GRB10: variants seen among roughly 807,000 people sequenced by gnomAD.
The protein encoded by GRB10 is growth factor receptor-bound protein 10.
GRB10 carries 20 observed loss-of-function variants against 80.9 expected under a neutral mutation model. The ratio of observed to expected loss-of-function variants is 0.25; its 90% CI spans 0.17 to 0.36. The LOEUF is 0.36. Ranked by LOEUF, GRB10 falls within the 10% of genes least tolerant of loss-of-function variation. The pLI is 1.00. For missense variants in GRB10, 548 were observed against 747.7 expected, an observed-to-expected ratio of 0.73 and a Z score of 3.12; for synonymous variants, 291 against 291.5, an observed-to-expected ratio of 1.00 and a Z score of 0.02.
chr7:50,647,119 C>T (rs1586285231), intron 7 of GRB10, among the ~76,000 whole-genome samples: 1 of 152,200 alleles, frequency 6.6e-6, no homozygotes, highest in Non-Finnish European at 1.5e-5. Context: ...GAAATCACAA[C>T]AGTCTCAGCA....
intron 7 of GRB10, among the ~76,000 whole-genome samples, chr7:50,643,907 C>A (rs944642678): frequency 5.3e-5 from 8 of 152,174 alleles, no homozygotes; most frequent in Non-Finnish European, 1.5e-5. Flanking sequence ...TGCAACTTCT[C>A]TATACATTTG....
In GRB10 at chr7:50,614,762, G is replaced by C. The variant is rs763815846; in HGVS notation, c.1095+8C>G. 1 of 1,588,918 alleles carries C rather than the reference G, an allele frequency of 6.3e-7. No individual in the cohort carries two copies. The highest frequency in any genetic ancestry group is 8.6e-7 in the Non-Finnish European group (1 of 1,157,216). On this transcript the variant is annotated splice_region_variant and intron_variant, in intron 12 of 18. Coordinates refer to ENST00000401949, the MANE Select transcript of GRB10 (RefSeq NM_001350814.2). ...CATGCGCGCCGTCTGTGGACAGCTCGTGGGTACCTTTATGCAGAGCCCGTG... is the reference window on the plus strand; with the variant it reads ...CATGCGCGCCGTCTGTGGACAGCTCCTGGGTACCTTTATGCAGAGCCCGTG...
At chr7:50,630,540 G>A (rs2053805591) in intron 7 of GRB10, among the ~76,000 whole-genome samples, 1 of 152,134 alleles carries the variant, frequency 6.6e-6, no homozygotes, top group South Asian at 2.1e-4. Context: ...ACCACCGAAG[G>A]GTGCAGGGGC....
intron 5 of GRB10, among the ~76,000 whole-genome samples, chr7:50,690,320 C>CAAAAAA (rs5884162): frequency 1.3e-5 from 2 of 148,690 alleles, no homozygotes; most frequent in Non-Finnish European, 3.0e-5. Context: ...AACAAACAAA[C>CAAAAAA]AAAAAAAACA....
At chr7:50,603,174 A>G (rs1333623108) in intron 17 of GRB10, among the ~76,000 whole-genome samples, 1 of 152,176 alleles carries the variant, frequency 6.6e-6, no homozygotes, top group Non-Finnish European at 1.5e-5. Context: ...GGATGTAACT[A>G]CTTCCTCAGG....
chr7:50,785,062 C>T (rs907024631), upstream of GRB10, among the ~76,000 whole-genome samples: 1 of 152,192 alleles, frequency 6.6e-6, no homozygotes, highest in African/African-American at 2.4e-5. Context: ...TTTGGTGGAT[C>T]ACATGCTAGC....
chr7:50,616,479 C>T lies in GRB10; in HGVS notation c.847-132G>A. The T allele has an allele frequency of 3.6e-6, 3 of 836,014 alleles. No homozygotes were observed. The South Asian group carries it at 4.8e-5, about 13-fold the overall frequency. The allele number at this position is 836,014 out of a possible 1,614,324, so 51.8% of individuals were successfully genotyped here. A position where few individuals can be genotyped will look rare whatever the true frequency, so the allele number is the denominator to read the frequency against. On this transcript the variant is annotated intron_variant, in intron 10 of 18. Transcript: ENST00000401949. The stretch of plus-strand genomic sequence containing the variant: ...TTTGGATCAAAATGAGAGTGTTCTC[C>T]TTTCCAAAGTCTTAAAATCCCATCT...
intron 4 of GRB10, chr7:50,726,871 C>T (rs2068737722): frequency 6.6e-6 from 1 of 152,124 alleles, no homozygotes; most frequent in Non-Finnish European, 1.5e-5. Flanking sequence ...CTCAGTCTCA[C>T]CAACATTAAA....
chr7:50,716,692 G>A (rs780725398), intron 4 of GRB10, among the ~76,000 whole-genome samples: 1 of 152,142 alleles, frequency 6.6e-6, no homozygotes, highest in Non-Finnish European at 1.5e-5. Flanking sequence ...AAATATGTGG[G>A]CAGGATTAAC....
At chr7:50,742,490 TG>T (rs1243211288) in intron 3 of GRB10, among the ~76,000 whole-genome samples, 1 of 152,206 alleles carries the variant, frequency 6.6e-6, no homozygotes, top group Non-Finnish European at 1.5e-5. Context: ...ACATACAGCA[TG>T]GGCATCACCC....
At chr7:50,682,570 T>G (rs1305235284) in intron 5 of GRB10, among the ~76,000 whole-genome samples, 1 of 152,250 alleles carries the variant, frequency 6.6e-6, no homozygotes, top group Non-Finnish European at 1.5e-5. Context: ...AGGCCTTTAG[T>G]ATTTCCAGTT....
intron 7 of GRB10, among the ~76,000 whole-genome samples, chr7:50,654,238 G>A (rs558131307): frequency 6.6e-6 from 1 of 152,318 alleles, no homozygotes; most frequent in Admixed American, 6.5e-5. Flanking sequence ...AGGGCACCAC[G>A]GGGTCCCAGG....
chr7:50,697,363 A>T (rs969871203), intron 5 of GRB10, among the ~76,000 whole-genome samples: 2 of 152,212 alleles, frequency 1.3e-5, no homozygotes, highest in African/African-American at 4.8e-5. Flanking sequence ...GCTATTGCAA[A>T]ACCACCCCCT....
At chr7:50,686,195 G>A (rs1220617629) in intron 5 of GRB10, among the ~76,000 whole-genome samples, 1 of 152,122 alleles carries the variant, frequency 6.6e-6, no homozygotes, top group East Asian at 1.9e-4. Flanking sequence ...CATTGGGGTA[G>A]AACCCAAATG....
chr7:50,768,132 C>G (rs894330945), intron 2 of GRB10, among the ~76,000 whole-genome samples: 1 of 152,196 alleles, frequency 6.6e-6, no homozygotes, highest in Admixed American at 6.5e-5. Flanking sequence ...TCATTGACAC[C>G]TCTCAGGCCT....
chr7:50,679,944 T>A (rs903983934), intron 5 of GRB10, among the ~76,000 whole-genome samples: 6 of 152,260 alleles, frequency 3.9e-5, no homozygotes, highest in Non-Finnish European at 7.3e-5. Flanking sequence ...AACAGCTTTC[T>A]GAACAACAAT....
intron 2 of GRB10, among the ~76,000 whole-genome samples, chr7:50,759,633 T>G (rs988469817): frequency 6.6e-5 from 10 of 152,196 alleles, no homozygotes; most frequent in African/African-American, 2.4e-4. Flanking sequence ...TGATTGTTTA[T>G]GGGGGGACTG....
At chr7:50,732,188 GATCC>G (rs1204070719) in intron 4 of GRB10, 80 bp downstream of exon 4, 1 of 1,398,948 alleles carries the variant, frequency 7.1e-7, no homozygotes, top group Admixed American at 1.7e-5. Flanking sequence ...CTACAGAAAC[GATCC>G]ATGGCTGCTG....
intron 3 of GRB10, among the ~76,000 whole-genome samples, chr7:50,734,638 C>A (rs1482486758): frequency 3.3e-5 from 5 of 152,170 alleles, no homozygotes; most frequent in Non-Finnish European, 5.9e-5. Context: ...TTAAGACTGT[C>A]AAAAATATCA....
Sources: gnomAD v4.1 joint callset for allele counts (sites outside exome capture counted in the v4.1 genomes callset) on GRCh38, gnomAD v4.1.1 for gene constraint, MANE v1.5 for transcripts, NCBI Gene and HGNC (gene_info 2026-07-23, HGNC 2026-07-21) for gene names.